The following NEDD4 variants were observed in gnomAD, a reference collection of about 807,000 sequenced individuals.
NEDD4 encodes the protein NEDD4 E3 ubiquitin protein ligase, also known as E3 ubiquitin-protein ligase NEDD4.
In NEDD4, 99 loss-of-function variants were observed where a neutral mutation model predicts 144.9. That is an observed-to-expected ratio of 0.68 (90% CI 0.58 to 0.81). The LOEUF is 0.81. NEDD4 is among the 30% of genes least tolerant of loss of function. The pLI is 0.00. For synonymous variants in NEDD4, 318 were observed against 350.6 expected, an observed-to-expected ratio of 0.91 and a Z score of 1.04; for missense variants, 985 against 1,065.9, an observed-to-expected ratio of 0.92 and a Z score of 1.06.
At chr15:55,935,512 T>G (rs1308787669) in intron 4 of NEDD4, among the ~76,000 whole-genome samples, 2 of 151,994 alleles carry the variant, frequency 1.3e-5, no homozygotes, top group Non-Finnish European at 2.9e-5. Context: ...GAGAAAAAGA[T>G]CCAAAGTCTT....
chr15:55,986,812 G>A (rs2037903684), intron 1 of NEDD4, among the ~76,000 whole-genome samples: 1 of 151,416 alleles, frequency 6.6e-6, no homozygotes, highest in South Asian at 2.1e-4. Flanking sequence ...AGCCAGGATA[G>A]TCTCAATCTC....
intron 4 of NEDD4, among the ~76,000 whole-genome samples, chr15:55,930,895 C>A (rs2036766729): frequency 6.6e-6 from 1 of 152,180 alleles, no homozygotes; most frequent in South Asian, 2.1e-4. Context: ...GTCCATTAAA[C>A]CTCTTTCCTT....
intron 5 of NEDD4, among the ~76,000 whole-genome samples, chr15:55,901,626 T>G (rs2035917454): frequency 6.6e-6 from 1 of 152,178 alleles, no homozygotes; most frequent in South Asian, 2.1e-4. Context: ...CTTCCCCAGA[T>G]TCGTGGTCTG....
At chr15:55,968,038 C>G (rs925220805) in intron 1 of NEDD4, among the ~76,000 whole-genome samples, 1 of 151,976 alleles carries the variant, frequency 6.6e-6, no homozygotes, top group Non-Finnish European at 1.5e-5. Flanking sequence ...TGTAAAGAAG[C>G]CTTCAATAAA....
intron 11 of NEDD4, among the ~76,000 whole-genome samples, chr15:55,857,385 G>A (rs1238253028): frequency 6.6e-6 from 1 of 152,014 alleles, no homozygotes; most frequent in African/African-American, 2.4e-5. Flanking sequence ...CTGGAGTATG[G>A]TGGTGCGATC....
intron 5 of NEDD4, among the ~76,000 whole-genome samples, chr15:55,898,497 C>T (rs569261817): frequency 6.6e-6 from 1 of 152,104 alleles, no homozygotes; most frequent in Non-Finnish European, 1.5e-5. Context: ...TTGATGCTTA[C>T]AATAATTTCA....
intron 4 of NEDD4, among the ~76,000 whole-genome samples, chr15:55,931,239 C>G (rs1413465508): frequency 6.6e-6 from 1 of 152,098 alleles, no homozygotes; most frequent in African/African-American, 2.4e-5. Context: ...AGTTGGAAAT[C>G]AACTTGGAAC....
intron 5 of NEDD4, among the ~76,000 whole-genome samples, chr15:55,881,930 A>C (rs1457571766): frequency 8.5e-5 from 13 of 152,128 alleles, no homozygotes; most frequent in Non-Finnish European, 1.3e-4. Context: ...TGTCAGTAGT[A>C]CCCGCCCTCC....
Position 55,914,167 on chromosome 15 carries a change from CTATTTTAT to C in NEDD4, c.291+10471_291+10478del, listed in dbSNP as rs564950045. Among the ~76,000 whole-genome samples the C allele has an allele frequency of 4.2e-4, 63 of 150,834 alleles. No homozygotes were observed. In the East Asian group the frequency reaches 0.011, roughly 26 times the overall value. The stretch of plus-strand genomic sequence containing the variant: ...AAGAGAGAAAATAAACTAGCAATTA[CTATTTTAT>C]TCACCTAAAGTTACTTATCCAGAAG... On this transcript the variant is annotated intron_variant, in intron 5 of 28. Transcript: ENST00000435532.
intron 4 of NEDD4, among the ~76,000 whole-genome samples, chr15:55,949,158 C>T (rs2037182320): frequency 6.6e-6 from 1 of 152,204 alleles, no homozygotes; most frequent in Admixed American, 6.5e-5. Flanking sequence ...ACAGACACTT[C>T]TCAAAAGAAG....
chr15:55,992,431 GA>G (rs1343398059), intron 1 of NEDD4, among the ~76,000 whole-genome samples: 6 of 152,204 alleles, frequency 3.9e-5, no homozygotes, highest in Middle Eastern at 3.2e-3. Flanking sequence ...AAGGTACTAA[GA>G]GAAGGAACTA....
chr15:55,873,329 C>T (rs2034873060), intron 6 of NEDD4, among the ~76,000 whole-genome samples: 1 of 152,196 alleles, frequency 6.6e-6, no homozygotes, highest in African/African-American at 2.4e-5. Flanking sequence ...ATCTCTCTGT[C>T]AGCAGTCTAC....
intron 2 of NEDD4, among the ~76,000 whole-genome samples, chr15:55,954,683 C>A (rs991649803): frequency 6.6e-5 from 10 of 152,070 alleles, no homozygotes; most frequent in African/African-American, 2.4e-4. Context: ...CATCACCACA[C>A]CTGGCTAATT....
chr15:55,872,628 G>A (rs1358622655), intron 6 of NEDD4, among the ~76,000 whole-genome samples, 152 bp from the exon 7 acceptor site: 1 of 152,188 alleles, frequency 6.6e-6, no homozygotes, highest in African/African-American at 2.4e-5. Flanking sequence ...ACTTGACAGT[G>A]CTTTCACTTT....
intron 2 of NEDD4, among the ~76,000 whole-genome samples, chr15:55,954,975 T>C (rs1238483900): frequency 1.3e-5 from 2 of 152,032 alleles, no homozygotes; most frequent in African/African-American, 4.8e-5. Flanking sequence ...CTACCCTATT[T>C]TGCACTGCAC....
chr15:55,981,813 A>G (rs1391463939), intron 1 of NEDD4, among the ~76,000 whole-genome samples: 1 of 152,234 alleles, frequency 6.6e-6, no homozygotes, highest in Non-Finnish European at 1.5e-5. Context: ...GATGATTCAG[A>G]TGGACACTAA....
chr15:55,916,356 TTA>T, intron 5 of NEDD4: 2 of 1,614,010 alleles, frequency 1.2e-6, no homozygotes, highest in African/African-American at 2.7e-5. Context: ...GTAAGACCCA[TTA>T]TCACTGGTTG....
chr15:55,843,070 T>C (rs2141988804), intron 18 of NEDD4, among the ~76,000 whole-genome samples: 1 of 152,336 alleles, frequency 6.6e-6, no homozygotes, highest in African/African-American at 2.4e-5. Flanking sequence ...TAATGGTTTC[T>C]ATGCACAAGC....
intron 4 of NEDD4, among the ~76,000 whole-genome samples, chr15:55,940,878 A>G (rs997238959): frequency 6.6e-6 from 1 of 152,176 alleles, no homozygotes; most frequent in African/African-American, 2.4e-5. Context: ...ATATTTTTAA[A>G]TTATAAGCAC....
Sources: gnomAD v4.1 joint callset for allele counts (sites outside exome capture counted in the v4.1 genomes callset) on GRCh38, gnomAD v4.1.1 for gene constraint, MANE v1.5 for transcripts, NCBI Gene and HGNC (gene_info 2026-07-23, HGNC 2026-07-21) for gene names.